CSMD1: variants seen among roughly 807,000 people sequenced by gnomAD.
The protein encoded by CSMD1 is CUB and sushi domain-containing protein 1.
Under a neutral mutation model 417.5 loss-of-function variants are expected in CSMD1, and 213 were observed. That is an observed-to-expected ratio of 0.51 (90% confidence interval 0.46 to 0.57). CSMD1 has a LOEUF of 0.57. CSMD1 is among the 20% of genes least tolerant of loss of function. CSMD1 has a pLI of 0.00. For missense variants in CSMD1, 6,923 were observed against 4,529.7 expected, an observed-to-expected ratio of 1.53 and a Z score of -15.17; for synonymous variants, 2,862 against 1,736.8, an observed-to-expected ratio of 1.65 and a Z score of -16.11.
chr8:3,953,938 C>A (rs1158751256), intron 5 of CSMD1, among the ~76,000 whole-genome samples: 2 of 152,204 alleles, frequency 1.3e-5, no homozygotes, highest in Non-Finnish European at 2.9e-5. Context: ...GCAAGGGTGG[C>A]TCTGGGTCTC....
chr8:3,893,799 G>A (rs994683379), intron 5 of CSMD1, among the ~76,000 whole-genome samples: 1 of 152,038 alleles, frequency 6.6e-6, no homozygotes. Context: ...CCCCTATAGA[G>A]AGCATGCACA....
At chr8:3,104,157 T>G (rs904233026) in intron 46 of CSMD1, among the ~76,000 whole-genome samples, 6 of 152,216 alleles carry the variant, frequency 3.9e-5, no homozygotes, top group Non-Finnish European at 7.3e-5. Flanking sequence ...GAGGCTTTGT[T>G]TGTTGGGATT....
chr8:3,949,787 G>T (rs560260009), intron 5 of CSMD1, among the ~76,000 whole-genome samples: 3 of 152,132 alleles, frequency 2.0e-5, no homozygotes, highest in Non-Finnish European at 4.4e-5. Context: ...AAGCACTGTT[G>T]CCTCTAACAC....
At chr8:3,522,168 G>C (rs947672994) in intron 10 of CSMD1, among the ~76,000 whole-genome samples, 2 of 152,050 alleles carry the variant, frequency 1.3e-5, no homozygotes, top group East Asian at 1.9e-4. Context: ...TATTCGAAGT[G>C]TTCAGCAATG....
intron 5 of CSMD1, among the ~76,000 whole-genome samples, chr8:3,950,734 G>C (rs1811545637): frequency 2.4e-5 from 3 of 126,474 alleles, no homozygotes; most frequent in Admixed American, 2.4e-4. Flanking sequence ...TGTAATTGGG[G>C]TTTTCAATCT....
chr8:3,395,596 A>G (rs900729952), intron 17 of CSMD1, among the ~76,000 whole-genome samples: 1 of 152,228 alleles, frequency 6.6e-6, no homozygotes, highest in Non-Finnish European at 1.5e-5. Context: ...ATTCCATTAT[A>G]ATATTTTGAC....
At chr8:4,699,720 G>A (rs541692954) in intron 1 of CSMD1, among the ~76,000 whole-genome samples, 1 of 152,114 alleles carries the variant, frequency 6.6e-6, no homozygotes, top group Admixed American at 6.5e-5. Context: ...AATTTATGAG[G>A]TGTTAATTTC....
At chr8:4,109,542 G>A (rs925447532) in intron 3 of CSMD1, among the ~76,000 whole-genome samples, 1 of 152,042 alleles carries the variant, frequency 6.6e-6, no homozygotes, top group African/African-American at 2.4e-5. Context: ...GAAGTTTTCA[G>A]GCAAAATTGA....
intron 3 of CSMD1, among the ~76,000 whole-genome samples, chr8:4,087,045 C>G (rs1038416436): frequency 6.6e-6 from 1 of 152,212 alleles, no homozygotes; most frequent in African/African-American, 2.4e-5. Flanking sequence ...TCCCCAGTGA[C>G]TGCCTTGGGC....
intron 2 of CSMD1, among the ~76,000 whole-genome samples, chr8:4,476,858 C>A (rs1800828447): frequency 1.3e-5 from 2 of 152,168 alleles, no homozygotes; most frequent in African/African-American, 4.8e-5. Context: ...AAGCTTCAGT[C>A]AAAACATAAA....
chr8:4,483,664 T>G (rs1319802851), intron 2 of CSMD1, among the ~76,000 whole-genome samples: 2 of 152,184 alleles, frequency 1.3e-5, no homozygotes, highest in African/African-American at 2.4e-5. Flanking sequence ...AAACACATAT[T>G]TAATCCATTT....
chr8:4,864,911 C>T (rs1250163223), intron 1 of CSMD1, among the ~76,000 whole-genome samples: 1 of 150,950 alleles, frequency 6.6e-6, no homozygotes, highest in African/African-American at 2.4e-5. Flanking sequence ...CACACACACA[C>T]ACTTGATATA....
At chr8:4,563,945 A>G (rs1393436117) in intron 2 of CSMD1, among the ~76,000 whole-genome samples, 1 of 152,200 alleles carries the variant, frequency 6.6e-6, no homozygotes, top group Non-Finnish European at 1.5e-5. Flanking sequence ...AAATTCCAGC[A>G]GAAGACTAAA....
At chr8:3,003,548 C>A (rs115093049) in intron 52 of CSMD1, among the ~76,000 whole-genome samples, 3 of 152,172 alleles carry the variant, frequency 2.0e-5, no homozygotes, top group Non-Finnish European at 2.9e-5. Flanking sequence ...TCCTATGTCA[C>A]CTTCATGTAT....
At chr8:4,654,356 A>G (rs968193867) in intron 1 of CSMD1, among the ~76,000 whole-genome samples, 1 of 152,134 alleles carries the variant, frequency 6.6e-6, no homozygotes, top group Non-Finnish European at 1.5e-5. Context: ...CTCCAGCAGT[A>G]TAATTCCCCT....
chr8:3,968,004 T>TAACAA (rs1812803551), intron 5 of CSMD1, among the ~76,000 whole-genome samples: 1 of 98,920 alleles, frequency 1.0e-5, no homozygotes, highest in African/African-American at 4.4e-5. Flanking sequence ...CGTCACTGCT[T>TAACAA]AAAAAAAAAA....
intron 46 of CSMD1, among the ~76,000 whole-genome samples, chr8:3,105,079 T>C (rs1243691523): frequency 6.6e-6 from 1 of 152,252 alleles, no homozygotes; most frequent in Non-Finnish European, 1.5e-5. Context: ...TCGATACTTT[T>C]GCAAAGAAAA....
At chr8:3,626,351 T>C (rs944322520) in intron 7 of CSMD1, among the ~76,000 whole-genome samples, 1 of 152,200 alleles carries the variant, frequency 6.6e-6, no homozygotes, top group African/African-American at 2.4e-5. Flanking sequence ...GGATGCCCAA[T>C]TATTCATGGT....
At chr8:3,988,813 G>A (rs1184412902) in intron 5 of CSMD1, among the ~76,000 whole-genome samples, 1 of 152,126 alleles carries the variant, frequency 6.6e-6, no homozygotes, top group African/African-American at 2.4e-5. Context: ...AAACAACAAG[G>A]AAGGGTCATC....
Sources: gnomAD v4.1 joint callset for allele counts (sites outside exome capture counted in the v4.1 genomes callset) on GRCh38, gnomAD v4.1.1 for gene constraint, MANE v1.5 for transcripts, NCBI Gene and HGNC (gene_info 2026-07-23, HGNC 2026-07-21) for gene names.